Variants in RSF1 observed in about 807,000 individuals in gnomAD.
RSF1 encodes remodeling and spacing factor 1.
RSF1 carries 13 observed loss-of-function variants against 145.2 expected under a neutral mutation model. The observed-to-expected ratio is 0.09, with a 90% CI of 0.06 to 0.14. The LOEUF is 0.14. RSF1 is among the 10% of genes least tolerant of loss of function. The pLI, the probability that RSF1 is intolerant of heterozygous loss-of-function variation, is 1.00. For missense variants in RSF1, 1,517 were observed against 1,718.2 expected, an observed-to-expected ratio of 0.88 and a Z score of 2.07; for synonymous variants, 577 against 592.6, an observed-to-expected ratio of 0.97 and a Z score of 0.38.
the RSF1 span, among the ~76,000 whole-genome samples, chr11:77,836,145 A>G: frequency 6.6e-6 from 1 of 151,998 alleles, no homozygotes; most frequent in East Asian, 1.9e-4. Context: ...TTTTTTCTCA[A>G]TTGAATTTTA....
chr11:77,756,628 G>A (rs1193171904), intron 2 of RSF1, among the ~76,000 whole-genome samples: 2 of 152,052 alleles, frequency 1.3e-5, no homozygotes, highest in East Asian at 1.9e-4. Context: ...AATATCAAGA[G>A]GTGAAAATGC....
At chr11:77,752,404 G>C (rs1948072470) in intron 2 of RSF1, among the ~76,000 whole-genome samples, 1 of 152,100 alleles carries the variant, frequency 6.6e-6, no homozygotes, top group South Asian at 2.1e-4. Context: ...ACTAAGGTGG[G>C]GGATGCCAGA....
At chr11:77,745,374 T>A (rs1947988843) in intron 3 of RSF1, among the ~76,000 whole-genome samples, 1 of 152,164 alleles carries the variant, frequency 6.6e-6, no homozygotes, top group South Asian at 2.1e-4. Context: ...TTATTTGAGA[T>A]CTTTCTTCTT....
chr11:77,699,648 A>C (rs932549327), intron 6 of RSF1, among the ~76,000 whole-genome samples: 1 of 152,226 alleles, frequency 6.6e-6, no homozygotes, highest in African/African-American at 2.4e-5. Context: ...ACTGTCATAC[A>C]CTGGTAATAA....
chr11:77,676,883 G>A lies in RSF1; in HGVS notation c.3250C>T (p.Arg1084Ter). The A allele has an allele frequency of 6.2e-7, 1 of 1,613,946 alleles. No individual in the cohort carries two copies. The highest frequency in any genetic ancestry group is 8.5e-7 in the Non-Finnish European group (1 of 1,179,972). ...NKRPQRAAAA[R>*]RKKRRRLNDL... The stretch of plus-strand genomic sequence containing the variant: ...TTTAATCGCCGGCGTTTCTTCCTTC[G>A]AGCAGCAGCTGCCCTCTGGGGTCGT... The change falls in exon 13 of 16, where the codon CGA becomes TGA. Residue 1084 changes from arginine to a stop codon, truncating the protein, a stop_gained. Transcript: ENST00000308488. LOFTEE classifies it high-confidence loss of function.
At position 77,676,982 on chromosome 11, in the gene RSF1, C is replaced by G. The variant is rs762912030; in HGVS notation, c.3151G>C (p.Asp1051His). 9 of 1,492,158 alleles carry G rather than the reference C, an allele frequency of 6.0e-6. No individual in the cohort carries two copies. In the Admixed American group the frequency reaches 1.6e-4, roughly 27 times the overall value. The allele number at this position is 1,492,158 out of a possible 1,614,324, so 92.4% of individuals were successfully genotyped here. ...CGATGACCTGTGATGGTGGAGATATCTTTTCCTCGGCCAACTCCTGAATTT... is the reference window on the plus strand; with the variant it reads ...CGATGACCTGTGATGGTGGAGATATGTTTTCCTCGGCCAACTCCTGAATTT... ...ADGGGVGRGKDISTITGHRGK... is the reference protein window; with the variant it reads ...ADGGGVGRGKHISTITGHRGK... Residue 1051 changes from aspartate to histidine, a missense_variant, in exon 13 of 16, where the codon GAT becomes CAT. Asp to His is a moderately conservative substitution (Grantham distance 81). This residue lies in a region of RSF1 where 231 missense variants were observed against 276.6 expected (regional missense o/e 0.84). Transcript: ENST00000308488.
At chr11:77,714,290 T>C (rs1960754905) in intron 5 of RSF1, among the ~76,000 whole-genome samples, 1 of 152,210 alleles carries the variant, frequency 6.6e-6, no homozygotes, top group Non-Finnish European at 1.5e-5. Flanking sequence ...TTGTTGTAGA[T>C]TTTGTCTATA....
chr11:77,750,302 T>C lies in RSF1; in HGVS notation c.280-3174A>G, dbSNP rs7107540. 6.4e-3 allele frequency among the ~76,000 whole-genome samples: 978 copies of C among 152,328 alleles called. 9 individuals are homozygous for C. The highest frequency in any genetic ancestry group is 0.022 in the African/African-American group (913 of 41,566). ...CCCAAACAAGAAATAATTTAGGCAC[T>C]ATAGGCCATAGAGTCTCTCTTGTAT... On this transcript the variant is annotated intron_variant, in intron 2 of 15. Transcript: ENST00000308488.
intron 1 of RSF1, among the ~76,000 whole-genome samples, chr11:77,815,130 T>C: frequency 6.6e-6 from 1 of 152,272 alleles, no homozygotes; most frequent in East Asian, 1.9e-4. Flanking sequence ...CTCTCTAGTT[T>C]AGGCATCAAT....
intron 11 of RSF1, among the ~76,000 whole-genome samples, chr11:77,681,390 G>A (rs777586888): frequency 1.3e-5 from 2 of 152,016 alleles, no homozygotes; most frequent in African/African-American, 2.4e-5. Flanking sequence ...ATTCATACAT[G>A]CTTATGTGCA....
chr11:77,685,764 G>A (rs1959987562), intron 9 of RSF1, among the ~76,000 whole-genome samples: 1 of 152,162 alleles, frequency 6.6e-6, no homozygotes, highest in African/African-American at 2.4e-5. Flanking sequence ...GCTGTGACAA[G>A]TTGATAAGAT....
intron 1 of RSF1, among the ~76,000 whole-genome samples, chr11:77,774,268 G>C (rs1948317460): frequency 6.6e-6 from 1 of 152,166 alleles, no homozygotes; most frequent in Non-Finnish European, 1.5e-5. Context: ...ACAGGGAGAG[G>C]GGGAGTAAGC....
At chr11:77,807,145 C>A (rs1948685503) in intron 1 of RSF1, among the ~76,000 whole-genome samples, 1 of 152,162 alleles carries the variant, frequency 6.6e-6, no homozygotes, top group African/African-American at 2.4e-5. Context: ...GTTCCTCAAC[C>A]ACAAACCTTA....
intron 2 of RSF1, among the ~76,000 whole-genome samples, chr11:77,760,991 G>A (rs1410709866): frequency 2.0e-5 from 3 of 151,602 alleles, no homozygotes; most frequent in African/African-American, 7.3e-5. Flanking sequence ...GGCTCACCGC[G>A]ATCTCGGCTC....
chr11:77,742,717 G>T (rs1246268776), intron 3 of RSF1, among the ~76,000 whole-genome samples: 1 of 152,152 alleles, frequency 6.6e-6, no homozygotes, highest in African/African-American at 2.4e-5. Context: ...TAGTGATATT[G>T]AGCATTTATT....
chr11:77,727,783 T>C (rs1741269442), intron 4 of RSF1, among the ~76,000 whole-genome samples: 1 of 151,982 alleles, frequency 6.6e-6, no homozygotes, highest in Non-Finnish European at 1.5e-5. Context: ...CCCAGCCTAC[T>C]TCCACTACTT....
chr11:77,858,078 G>T, the RSF1 span, among the ~76,000 whole-genome samples: 1 of 152,084 alleles, frequency 6.6e-6, no homozygotes, highest in South Asian at 2.1e-4. Context: ...GAGTACAGTG[G>T]TATGATCATA....
At chr11:77,827,170 A>G in the RSF1 span, among the ~76,000 whole-genome samples, 143 of 152,326 alleles carry the variant, frequency 9.4e-4, 1 homozygote, top group African/African-American at 3.3e-3. Context: ...CAGAAAAGAA[A>G]AAAAGCTCAG....
Position 77,667,338 on chromosome 11 carries a change from C to T in RSF1, c.3905G>A (p.Arg1302Gln), listed in dbSNP as rs753004831. 14 of 1,613,892 alleles carry T rather than the reference C, an allele frequency of 8.7e-6. No individual in the cohort carries two copies. Among genetic ancestry groups the T allele is most frequent in the African/African-American group, 1.3e-5 (1 of 74,920 alleles). The change falls in exon 16 of 16, where the codon CGG (arginine) becomes CAG (glutamine). Residue 1302 changes from arginine to glutamine, a missense_variant. Coordinates refer to ENST00000308488, the MANE Select transcript of RSF1 (RefSeq NM_016578.4). ...EGKPSRKRLHRIETDEEESCD... is the reference protein window; with the variant it reads ...EGKPSRKRLHQIETDEEESCD... ...ACTCTCCTCCTCATCCGTCTCAATC[C>T]GGTGTAGCCGTTTGCGGGATGGTTT...
Sources: allele counts gnomAD v4.1 joint callset (sites outside exome capture counted in the v4.1 genomes callset), GRCh38; gene constraint gnomAD v4.1.1; regional missense constraint gnomAD v4.1.1; transcripts MANE v1.5; gene names NCBI Gene and HGNC (gene_info 2026-07-23, HGNC 2026-07-21).